The following ATP23 variants were observed in gnomAD, a reference collection of about 807,000 sequenced individuals.
ATP23 encodes the protein mitochondrial inner membrane protease ATP23 homolog.
ATP23 carries 24 observed loss-of-function variants against 28.5 expected under a neutral mutation model. That is an observed-to-expected ratio of 0.84 (90% CI 0.61 to 1.18). The LOEUF (loss-of-function observed/expected upper bound fraction) is 1.18, where lower values mean the gene tolerates loss of function less well. ATP23 is among the 50% of genes most tolerant of loss of function. The pLI, the probability that ATP23 is intolerant of heterozygous loss-of-function variation, is 0.00. For missense variants in ATP23, 274 were observed against 306.4 expected (o/e 0.89, Z 0.79); for synonymous variants, 99 against 108.6 (o/e 0.91, Z 0.55).
chr12:57,949,039 C>T (rs1225189207), intron 3 of ATP23, among the ~76,000 whole-genome samples: 1 of 152,112 alleles, frequency 6.6e-6, no homozygotes, highest in African/African-American at 2.4e-5. Context: ...GGTATTTATT[C>T]CGTTGTGTGT....
rs1032901969 is a variant in ATP23 at position 57,957,549 on chromosome 12, C to G, written c.*659C>G. Among the ~76,000 whole-genome samples the G allele has an allele frequency of 6.6e-6, 1 of 152,118 alleles. No individual in the cohort carries two copies. Among genetic ancestry groups the G allele is most frequent in the Non-Finnish European group, 1.5e-5 (1 of 68,024 alleles). On this transcript the variant is annotated 3_prime_UTR_variant, in exon 6 of 6. Transcript: ENST00000300145. ...TGCTCCTACAGTGCCCAGGAGACAC[C>G]CCAAATACTGTGAGTGCCCAACTGC... is the stretch of plus-strand genomic sequence containing the variant.
At chr12:57,955,409 G>A (rs1474976661) in intron 5 of ATP23, among the ~76,000 whole-genome samples, 9 of 151,712 alleles carry the variant, frequency 5.9e-5, no homozygotes, top group Non-Finnish European at 1.5e-5. Flanking sequence ...AACAGCAATA[G>A]GACAGAAAAT....
chr12:57,949,153 A>C (rs1295717537), intron 3 of ATP23, among the ~76,000 whole-genome samples: 1 of 152,230 alleles, frequency 6.6e-6, no homozygotes, highest in Non-Finnish European at 1.5e-5. Context: ...CATGTGCAAG[A>C]GTTTCTCTAA....
chr12:57,958,045 G>A lies in ATP23; in HGVS notation c.*1155G>A, dbSNP rs1956884958. Among the ~76,000 whole-genome samples the A allele has an allele frequency of 6.6e-6, 1 of 152,156 alleles. No homozygotes were observed. The highest frequency in any genetic ancestry group is 6.5e-5 in the Admixed American group (1 of 15,284). On this transcript the variant is annotated 3_prime_UTR_variant, in exon 6 of 6. Transcript: ENST00000300145. ...AGCAGACTTGGGGCTGTGGTGGGGG[G>A]CATGGTGGGAGTGAGACTGGCCCTT...
At chr12:57,955,241 TA>T (rs557737740) in intron 5 of ATP23, among the ~76,000 whole-genome samples, 2,644 of 149,840 alleles carry the variant, frequency 0.018, 85 homozygotes, top group African/African-American at 0.061. Flanking sequence ...CTTTTCCAAT[TA>T]AAAAAAAATC....
At chr12:57,947,860 G>A (rs1956777324) in intron 3 of ATP23, among the ~76,000 whole-genome samples, 1 of 152,178 alleles carries the variant, frequency 6.6e-6, no homozygotes. Context: ...GTAAATGATG[G>A]TGTTATAAGT....
chr12:57,946,719 G>T (rs1196141197), intron 2 of ATP23, among the ~76,000 whole-genome samples: 1 of 152,098 alleles, frequency 6.6e-6, no homozygotes, highest in Admixed American at 6.5e-5. Context: ...GCCTCCCAAA[G>T]TGCTGGGATT....
intron 3 of ATP23, among the ~76,000 whole-genome samples, chr12:57,947,482 T>G (rs1382048921): frequency 6.6e-6 from 1 of 151,996 alleles, no homozygotes; most frequent in East Asian, 1.9e-4. Context: ...GGGAATGGCA[T>G]ATTGTCTAGT....
intron 5 of ATP23, among the ~76,000 whole-genome samples, chr12:57,956,085 T>C (rs1469929125): frequency 6.6e-6 from 1 of 152,150 alleles, no homozygotes; most frequent in African/African-American, 2.4e-5. Context: ...AAATGTTAGG[T>C]AAATTATTAT....
intron 3 of ATP23, 43 bp downstream of exon 3, chr12:57,947,119 CTCTT>C (rs1565874328): frequency 1.3e-6 from 2 of 1,575,580 alleles, no homozygotes; most frequent in East Asian, 4.5e-5. Flanking sequence ...TTAATCCTCT[CTCTT>C]TATATTTTTT....
At chr12:57,945,765 C>T in intron 2 of ATP23, 92 bp downstream of exon 2, 1 of 1,201,310 alleles carries the variant, frequency 8.3e-7, no homozygotes, top group Admixed American at 1.8e-5. Context: ...TAAGATTTCT[C>T]TGAGGTCACA....
chr12:57,948,984 G>C (rs775829529), intron 3 of ATP23, among the ~76,000 whole-genome samples: 1 of 152,126 alleles, frequency 6.6e-6, no homozygotes, highest in Non-Finnish European at 1.5e-5. Flanking sequence ...ATTCTTTCTT[G>C]TTGTTGTGTG....
rs1244429311 is a variant in ATP23 at position 57,958,902 on chromosome 12, T to C, written c.*2012T>C. On this transcript the variant is annotated 3_prime_UTR_variant, in exon 6 of 6. Coordinates refer to ENST00000300145, the MANE Select transcript of ATP23 (RefSeq NM_033276.4). ...ACCAAGAAGAAATCCCTGATTTACC[T>C]GAAAAAGAATTCAGGAGGTTAGTTA... is the stretch of plus-strand genomic sequence containing the variant. 6.6e-6 allele frequency among the ~76,000 whole-genome samples: 1 copy of C among 152,062 alleles called. No individual in the cohort carries two copies. The highest frequency in any genetic ancestry group is 1.5e-5 in the Non-Finnish European group (1 of 68,020).
At position 57,951,877 on chromosome 12, in the gene ATP23, A is replaced by C. The variant is rs1406670630; in HGVS notation, c.435A>C (p.Arg145Ser). ...ATGTCGACTGGTTCACCAACATCAGACATTTGGCGTGCTCAGAGGTGAGTT... is the reference window on the plus strand; with the variant it reads ...ATGTCGACTGGTTCACCAACATCAGCCATTTGGCGTGCTCAGAGGTGAGTT... ...RAHVDWFTNI[R>S]HLACSEVRAA... is the part of the protein sequence containing the mutation. Residue 145 changes from arginine (R) to serine (S), a missense_variant, in exon 4 of 6, where the codon AGA becomes AGC. Coordinates refer to ENST00000300145, the MANE Select transcript of ATP23 (RefSeq NM_033276.4). 3 of 1,614,070 alleles carry C rather than the reference A, an allele frequency of 1.9e-6. No homozygotes were observed. Among genetic ancestry groups the C allele is most frequent in the Non-Finnish European group, 2.5e-6 (3 of 1,180,034 alleles).
intron 5 of ATP23, among the ~76,000 whole-genome samples, chr12:57,955,964 T>G (rs1056879767): frequency 8.5e-5 from 13 of 152,162 alleles, no homozygotes; most frequent in Non-Finnish European, 1.5e-4. Flanking sequence ...TTTAGATTGG[T>G]CCTGGGGAGA....
At position 57,954,141 on chromosome 12, in the gene ATP23, G is replaced by T. The variant is rs908866944; in HGVS notation, c.537+452G>T. On this transcript the variant is annotated intron_variant, in intron 5 of 5. Transcript: ENST00000300145. ...ATCTGGGAGATGGAGGTTGCAGTGA[G>T]CCGAGATCATGCCACTGCACTCCAG... 2.8e-5 allele frequency among the ~76,000 whole-genome samples: 4 copies of T among 144,122 alleles called. No individual in the cohort carries two copies. The East Asian group carries it at 8.3e-4, about 30-fold the overall frequency. 94.5% of individuals were successfully genotyped at this position (144,122 alleles called of 152,430 possible). A position where few individuals can be genotyped will look rare whatever the true frequency, so the allele number is the denominator to read the frequency against.
intron 1 of ATP23, among the ~76,000 whole-genome samples, chr12:57,943,712 A>G (rs1204381811): frequency 6.6e-6 from 1 of 152,162 alleles, no homozygotes; most frequent in East Asian, 1.9e-4. Flanking sequence ...TTATGAATGT[A>G]AAGTACCAGC....
Position 57,941,744 on chromosome 12 carries a change from G to A in ATP23, c.43G>A (p.Gly15Arg). The part of the protein sequence containing the change: ...PDERRRGPAA[G>R]EQLQQQHVSC... ...CGAGCGCCGGCGGGGCCCCGCGGCAGGGGAGCAGCTGCAGCAGCAACACGT... is the reference window on the plus strand; with the variant it reads ...CGAGCGCCGGCGGGGCCCCGCGGCAAGGGAGCAGCTGCAGCAGCAACACGT... The change falls in exon 1 of 6, where the codon GGG (glycine) becomes AGG (arginine). Residue 15 changes from glycine to arginine, a missense_variant. Transcript: ENST00000300145. The A allele has an allele frequency of 6.3e-7, 1 of 1,597,752 alleles. No individual in the cohort carries two copies. The highest frequency in any genetic ancestry group is 8.5e-7 in the Non-Finnish European group (1 of 1,173,122).
At chr12:57,955,653 T>C (rs1956859439) in intron 5 of ATP23, among the ~76,000 whole-genome samples, 1 of 152,254 alleles carries the variant, frequency 6.6e-6, no homozygotes, top group Non-Finnish European at 1.5e-5. Context: ...TTTTGTACCT[T>C]TTTTCCCTGG....
Sources: allele counts gnomAD v4.1 joint callset (sites outside exome capture counted in the v4.1 genomes callset), GRCh38; gene constraint gnomAD v4.1.1; transcripts MANE v1.5; gene names NCBI Gene and HGNC (gene_info 2026-07-23, HGNC 2026-07-21).